The following RBFOX3 variants were observed in gnomAD, a reference collection of about 807,000 sequenced individuals.
The protein encoded by RBFOX3 is RNA binding fox-1 homolog 3, also known as RNA binding protein fox-1 homolog 3.
In RBFOX3, 17 loss-of-function variants were observed where a neutral mutation model predicts 48.7. The observed-to-expected ratio is 0.35, with a 90% CI of 0.24 to 0.52. The LOEUF (loss-of-function observed/expected upper bound fraction) is 0.52. RBFOX3 is among the 20% of genes least tolerant of loss of function. RBFOX3 has a pLI of 0.94. For synonymous variants in RBFOX3, 212 were observed against 209.5 expected, an observed-to-expected ratio of 1.01 and a Z score of -0.10; for missense variants, 382 against 497.5, an observed-to-expected ratio of 0.77 and a Z score of 2.21.
intron 3 of RBFOX3, among the ~76,000 whole-genome samples, chr17:79,255,761 C>G (rs1342982376): frequency 6.6e-6 from 1 of 152,008 alleles, no homozygotes; most frequent in Non-Finnish European, 1.5e-5. Context: ...CGTCCCTGGG[C>G]TTCTCCTCCT....
At chr17:79,469,878 GGGAGAACGTGCATGAT>G (rs1426530807) in intron 2 of RBFOX3, among the ~76,000 whole-genome samples, 2 of 152,108 alleles carry the variant, frequency 1.3e-5, no homozygotes, top group Admixed American at 6.6e-5. Context: ...ACGTGCACAA[GGGAGAACGTGCATGAT>G]GGAGAACGTG....
At chr17:79,486,616 C>T (rs1428847367) in intron 1 of RBFOX3, among the ~76,000 whole-genome samples, 1 of 152,196 alleles carries the variant, frequency 6.6e-6, no homozygotes, top group Non-Finnish European at 1.5e-5. Context: ...GGATCTAATC[C>T]TCTTGCTTTA....
chr17:79,502,066 C>T lies in RBFOX3; in HGVS notation c.-319-19468G>A, dbSNP rs912685236. On this transcript the variant is annotated intron_variant, in intron 1 of 14. Coordinates refer to ENST00000693108, the MANE Select transcript of RBFOX3 (RefSeq NM_001350451.2). The stretch of plus-strand genomic sequence containing the variant: ...ATTGCCACACTCACAGGCCACGTGA[C>T]CACTAAGCAGGTCCCACTGAGCCTT... 6.6e-5 allele frequency among the ~76,000 whole-genome samples: 10 copies of T among 152,302 alleles called. No homozygotes were observed. In the East Asian group the frequency reaches 1.9e-3, roughly 29 times the overall value.
chr17:79,184,465 C>T (rs1196820024), intron 4 of RBFOX3, among the ~76,000 whole-genome samples: 1 of 152,200 alleles, frequency 6.6e-6, no homozygotes, highest in Non-Finnish European at 1.5e-5. Context: ...ACCACTGTGA[C>T]TGTGCACACA....
intron 4 of RBFOX3, among the ~76,000 whole-genome samples, chr17:79,163,562 C>T (rs944637683): frequency 6.6e-6 from 1 of 152,246 alleles, no homozygotes; most frequent in Non-Finnish European, 1.5e-5. Flanking sequence ...AGTCCCAGAG[C>T]TGGAGGGCAG....
intron 1 of RBFOX3, among the ~76,000 whole-genome samples, chr17:79,563,979 G>A (rs1331664771): frequency 2.6e-5 from 4 of 152,254 alleles, no homozygotes; most frequent in East Asian, 1.9e-4. Flanking sequence ...ACTATGCTAC[G>A]TACCCTATGC....
rs1443290261 is a variant in RBFOX3 at position 79,212,692 on chromosome 17, G to A, written c.-34+23074C>T. On this transcript the variant is annotated intron_variant, in intron 4 of 14. Transcript: ENST00000693108. This position sits in a 1 kb window ranked among gnomAD's most constrained non-coding sequence, Gnocchi z 4.7. ...TTTTCAATCACAAATGTCGCTGACA[G>A]TCCCCACACTACCACTTGTTTCCCC... Among the ~76,000 whole-genome samples the A allele has an allele frequency of 6.6e-6, 1 of 152,200 alleles. No homozygotes were observed. Among genetic ancestry groups the A allele is most frequent in the African/African-American group, 2.4e-5 (1 of 41,452 alleles).
At chr17:79,407,977 G>C (rs1233415850) in intron 2 of RBFOX3, among the ~76,000 whole-genome samples, 1 of 152,224 alleles carries the variant, frequency 6.6e-6, no homozygotes, top group Non-Finnish European at 1.5e-5. Context: ...GCTGTGTCGA[G>C]CACGGAACCC....
Position 79,471,544 on chromosome 17 carries a change from G to A in RBFOX3, c.-175+10910C>T, listed in dbSNP as rs1010906136. ...GGCTGAGGCAGCCGCCAGTTACCCA[G>A]TACTGTGGGTACAGGCGTGAGCTTT... On this transcript the variant is annotated intron_variant, in intron 2 of 14. Transcript: ENST00000693108. The surrounding 1 kb of genome is among the most constrained non-coding windows in gnomAD (Gnocchi z 4.0). 9.9e-5 allele frequency among the ~76,000 whole-genome samples: 15 copies of A among 152,174 alleles called. No individual in the cohort carries two copies. Among genetic ancestry groups the A allele is most frequent in the African/African-American group, 3.6e-4 (15 of 41,440 alleles).
chr17:79,387,369 G>A (rs1446954358), intron 2 of RBFOX3, among the ~76,000 whole-genome samples: 3 of 152,238 alleles, frequency 2.0e-5, no homozygotes, highest in African/African-American at 7.2e-5. Flanking sequence ...ACAGGCGTGA[G>A]TCAAAACATG....
chr17:79,343,229 T>G (rs2082371065), intron 2 of RBFOX3, among the ~76,000 whole-genome samples: 1 of 152,138 alleles, frequency 6.6e-6, no homozygotes, highest in South Asian at 2.1e-4. Flanking sequence ...GTGGCTTTTT[T>G]AAAACTGGAG....
chr17:79,280,443 A>G (rs1379072526), intron 3 of RBFOX3, among the ~76,000 whole-genome samples: 1 of 152,172 alleles, frequency 6.6e-6, no homozygotes, highest in Non-Finnish European at 1.5e-5. Context: ...CTGGAATGTG[A>G]GGCCCACCCA....
chr17:79,182,106 G>A (rs1261140871), intron 4 of RBFOX3, among the ~76,000 whole-genome samples: 1 of 152,132 alleles, frequency 6.6e-6, no homozygotes, highest in East Asian at 1.9e-4. Flanking sequence ...CAAGTTCCTT[G>A]GGGTGGGCAC....
chr17:79,283,721 C>A (rs986336063), intron 3 of RBFOX3, among the ~76,000 whole-genome samples: 5 of 152,236 alleles, frequency 3.3e-5, no homozygotes, highest in Admixed American at 2.6e-4. Flanking sequence ...CGATGTCAGA[C>A]CCGAGTCCTT....
rs528821981 is a variant in RBFOX3 at position 79,269,235 on chromosome 17, G to A, written c.-73-33430C>T. On this transcript the variant is annotated intron_variant, in intron 3 of 14. Coordinates refer to ENST00000693108, the MANE Select transcript of RBFOX3 (RefSeq NM_001350451.2). ...GGGTCCCAGGAGCTGGAAGAGGCCA[G>A]GATGGATCCTCCCTTAGAGCCTTCA... Among the ~76,000 whole-genome samples the A allele has an allele frequency of 2.0e-5, 3 of 152,322 alleles. No individual in the cohort carries two copies. In the South Asian group the frequency reaches 6.2e-4, roughly 32 times the overall value.
chr17:79,123,264 A>G (rs545050286), intron 4 of RBFOX3, among the ~76,000 whole-genome samples: 2 of 152,350 alleles, frequency 1.3e-5, no homozygotes, highest in South Asian at 4.2e-4. Flanking sequence ...TGGACACCCC[A>G]TCTTCCCTGA....
At chr17:79,509,240 G>A (rs1598989307) in intron 1 of RBFOX3, among the ~76,000 whole-genome samples, 1 of 152,180 alleles carries the variant, frequency 6.6e-6, no homozygotes, top group African/African-American at 2.4e-5. Flanking sequence ...AGGCGGCCTG[G>A]TCGATAGGAG....
At chr17:79,231,149 G>A (rs1289759762) in intron 4 of RBFOX3, among the ~76,000 whole-genome samples, 3 of 152,192 alleles carry the variant, frequency 2.0e-5, no homozygotes, top group Non-Finnish European at 4.4e-5. Flanking sequence ...GAGGTGGGGA[G>A]CCAAGGTGGC....
intron 1 of RBFOX3, among the ~76,000 whole-genome samples, chr17:79,550,196 A>G (rs2090998864): frequency 6.6e-6 from 1 of 152,198 alleles, no homozygotes; most frequent in Admixed American, 6.5e-5. Flanking sequence ...GAGCCCAGGG[A>G]AACAAGAGGG....
Sources: gnomAD v4.1 joint callset for allele counts (sites outside exome capture counted in the v4.1 genomes callset) on GRCh38, gnomAD v4.1.1 for gene constraint, Gnocchi (gnomAD v3.1) non-coding constraint, MANE v1.5 for transcripts, NCBI Gene and HGNC (gene_info 2026-07-23, HGNC 2026-07-21) for gene names.